The following IQCJ variants were observed in gnomAD, a reference collection of about 807,000 sequenced individuals.
IQCJ encodes the protein IQ domain-containing protein J.
IQCJ carries 9 observed loss-of-function variants against 11.0 expected under a neutral mutation model. The observed-to-expected ratio is 0.82, with a 90% CI of 0.49 to 1.43. The LOEUF is 1.43. Among genes scored for constraint, IQCJ ranks in the 40% most tolerant of loss-of-function variants. The probability of loss-of-function intolerance (pLI) is 0.00; values close to 1 mark genes in which losing one functional copy is unlikely to be tolerated. For synonymous variants in IQCJ, 55 were observed against 51.3 expected, an observed-to-expected ratio of 1.07 and a Z score of -0.31; for missense variants, 146 against 133.2, an observed-to-expected ratio of 1.10 and a Z score of -0.47.
At chr3:159,150,310 G>A (rs1408201294) in intron 1 of IQCJ, among the ~76,000 whole-genome samples, 2 of 152,172 alleles carry the variant, frequency 1.3e-5, no homozygotes, top group African/African-American at 4.8e-5. Flanking sequence ...TCACCCTGCA[G>A]GGGAGCTCTG....
At position 159,141,890 on chromosome 3, in the gene IQCJ, G is replaced by A. The variant is rs1406346224; in HGVS notation, c.9+72449G>A. ...ACAAATTATTTATGATAACATATTA[G>A]AATATCATCCATTGCCCAATGATTA... On this transcript the variant is annotated intron_variant, in intron 1 of 3. Coordinates refer to ENST00000397832, the MANE Select transcript of IQCJ (RefSeq NM_001042706.3). 3.3e-5 allele frequency among the ~76,000 whole-genome samples: 5 copies of A among 152,096 alleles called. No individual in the cohort carries two copies. In the East Asian group the frequency reaches 7.7e-4, roughly 23 times the overall value.
At chr3:159,230,183 G>A (rs1370132885) in intron 1 of IQCJ, among the ~76,000 whole-genome samples, 1 of 151,852 alleles carries the variant, frequency 6.6e-6, no homozygotes, top group Admixed American at 6.6e-5. Flanking sequence ...TAGGATTATG[G>A]CCTCAACTCC....
At chr3:159,249,769 T>C (rs1371699843) in intron 2 of IQCJ, among the ~76,000 whole-genome samples, 1 of 152,260 alleles carries the variant, frequency 6.6e-6, no homozygotes. Flanking sequence ...TGATTGGTTA[T>C]TCCCCCTTGG....
chr3:159,199,858 C>A (rs2108062337), intron 1 of IQCJ, among the ~76,000 whole-genome samples: 1 of 151,930 alleles, frequency 6.6e-6, no homozygotes, highest in South Asian at 2.1e-4. Context: ...ACAGGAGCAG[C>A]ATAGTATAGT....
intron 2 of IQCJ, among the ~76,000 whole-genome samples, chr3:159,247,379 G>A (rs1342315238): frequency 6.6e-6 from 1 of 152,208 alleles, no homozygotes; most frequent in East Asian, 1.9e-4. Context: ...ACAGGTGTGA[G>A]CCACCGCGCC....
chr3:159,193,275 T>C (rs1723793172), intron 1 of IQCJ, among the ~76,000 whole-genome samples: 1 of 152,220 alleles, frequency 6.6e-6, no homozygotes. Context: ...ACAGTGATGA[T>C]AGTGGGACAA....
intron 1 of IQCJ, among the ~76,000 whole-genome samples, chr3:159,204,968 C>A (rs1724563789): frequency 6.6e-6 from 1 of 152,198 alleles, no homozygotes; most frequent in Non-Finnish European, 1.5e-5. Context: ...CATGAGGTGG[C>A]AGGTCTTCCT....
chr3:159,252,306 C>G (rs145211317), intron 2 of IQCJ, among the ~76,000 whole-genome samples: 1 of 152,248 alleles, frequency 6.6e-6, no homozygotes, highest in East Asian at 1.9e-4. Context: ...AAACGGCTTA[C>G]AAATGAAAGG....
intron 1 of IQCJ, among the ~76,000 whole-genome samples, chr3:159,081,590 C>A (rs1001105915): frequency 3.9e-5 from 6 of 152,072 alleles, no homozygotes; most frequent in Non-Finnish European, 5.9e-5. Context: ...TACAAATGAG[C>A]ACATCATTTT....
At chr3:159,229,231 A>G (rs373569759) in intron 1 of IQCJ, among the ~76,000 whole-genome samples, 9 of 151,856 alleles carry the variant, frequency 5.9e-5, no homozygotes, top group Admixed American at 2.0e-4. Flanking sequence ...CAGGCATGCC[A>G]TTCCAGTCGG....
chr3:159,094,473 T>A (rs1717584060), intron 1 of IQCJ, among the ~76,000 whole-genome samples: 1 of 146,076 alleles, frequency 6.8e-6, no homozygotes. Context: ...TAAATATATG[T>A]CCATGATAAT....
intron 1 of IQCJ, among the ~76,000 whole-genome samples, chr3:159,245,110 C>T (rs920705146): frequency 2.6e-5 from 4 of 151,684 alleles, no homozygotes; most frequent in Non-Finnish European, 4.4e-5. Context: ...ATTGAGGGAT[C>T]GTGTGTGTGT....
At chr3:159,211,929 T>C (rs1453064632) in intron 1 of IQCJ, among the ~76,000 whole-genome samples, 1 of 151,712 alleles carries the variant, frequency 6.6e-6, no homozygotes, top group Non-Finnish European at 1.5e-5. Context: ...GGCAGAGAAA[T>C]GTATGTGGTG....
chr3:159,181,398 T>G (rs1200510967), intron 1 of IQCJ, among the ~76,000 whole-genome samples: 1 of 145,350 alleles, frequency 6.9e-6, no homozygotes, highest in Non-Finnish European at 1.5e-5. Context: ...TCACTTGGTT[T>G]TAACTTGTTA....
rs149227798 is a variant in IQCJ at position 159,261,846 on chromosome 3, G to A, written c.156-702G>A. Among the ~76,000 whole-genome samples the A allele has an allele frequency of 8.5e-5, 13 of 152,346 alleles. No individual in the cohort carries two copies. The East Asian group carries it at 2.5e-3, about 29-fold the overall frequency. On this transcript the variant is annotated intron_variant, in intron 3 of 3. Transcript: ENST00000397832. ...GCGAAACCTGAAATAGCTGCCTAAT[G>A]ACATTACATTAATTCTCTGAGTAGT... is the stretch of plus-strand genomic sequence containing the variant.
At chr3:159,245,448 G>A (rs1296792237) in intron 1 of IQCJ, among the ~76,000 whole-genome samples, 1 of 147,986 alleles carries the variant, frequency 6.8e-6, no homozygotes, top group East Asian at 2.0e-4. Context: ...CCATCACAAA[G>A]TCCTGAATTC....
intron 1 of IQCJ, among the ~76,000 whole-genome samples, chr3:159,095,149 C>A (rs1376970663): frequency 6.6e-6 from 1 of 151,816 alleles, no homozygotes; most frequent in Non-Finnish European, 1.5e-5. Context: ...ACAATTCTTA[C>A]TCTAAAATAC....
At chr3:159,176,063 A>G (rs1722778260) in intron 1 of IQCJ, among the ~76,000 whole-genome samples, 1 of 152,120 alleles carries the variant, frequency 6.6e-6, no homozygotes, top group Non-Finnish European at 1.5e-5. Flanking sequence ...TCATGTGCTT[A>G]TTTGCCTTTA....
At chr3:159,165,657 A>G (rs1422005048) in intron 1 of IQCJ, among the ~76,000 whole-genome samples, 4 of 151,198 alleles carry the variant, frequency 2.6e-5, no homozygotes, top group Non-Finnish European at 5.9e-5. Flanking sequence ...CTCTGTTGCC[A>G]GGCTGGAGTG....
Sources: gnomAD v4.1 joint callset for allele counts (sites outside exome capture counted in the v4.1 genomes callset) on GRCh38, gnomAD v4.1.1 for gene constraint, MANE v1.5 for transcripts, NCBI Gene and HGNC (gene_info 2026-07-23, HGNC 2026-07-21) for gene names.